Variants in GLYATL1 observed in about 807,000 individuals in gnomAD.
The protein encoded by GLYATL1 is glycine N-acyltransferase-like protein 1.
Under a neutral mutation model 20.0 loss-of-function variants are expected in GLYATL1, and 15 were observed. The observed-to-expected ratio is 0.75, with a 90% CI of 0.50 to 1.15. The LOEUF (loss-of-function observed/expected upper bound fraction) is 1.15. Ranked by LOEUF, GLYATL1 falls within the 50% of genes most tolerant of loss-of-function variation. The probability of loss-of-function intolerance (pLI) is 0.00; values close to 1 mark genes in which losing one functional copy is unlikely to be tolerated. For missense variants in GLYATL1, 380 were observed against 368.5 expected, an observed-to-expected ratio of 1.03 and a Z score of -0.26; for synonymous variants, 151 against 131.5, an observed-to-expected ratio of 1.15 and a Z score of -1.01.
At chr11:58,927,029 A>G (rs766145737), upstream of GLYATL1, among the ~76,000 whole-genome samples, 4 of 152,236 alleles carry the variant, frequency 2.6e-5, no homozygotes, top group East Asian at 1.9e-4. Context: ...ACACTTACAT[A>G]TAACTCTTCT....
At chr11:58,937,869 A>G (rs1358906582), upstream of GLYATL1, among the ~76,000 whole-genome samples, 1 of 152,140 alleles carries the variant, frequency 6.6e-6, no homozygotes, top group African/African-American at 2.4e-5. Flanking sequence ...GAGACCCTTG[A>G]CACATTGTGA....
chr11:58,950,113 C>A (rs1407721856), intron 4 of GLYATL1, among the ~76,000 whole-genome samples: 26 of 75,974 alleles, frequency 3.4e-4, no homozygotes, highest in Admixed American at 7.0e-4. Flanking sequence ...ACTAAAAATA[C>A]AAAAAAAAAA....
chr11:58,939,429 A>G (rs1855984968), upstream of GLYATL1: 1 of 152,258 alleles, frequency 6.6e-6, no homozygotes, highest in Non-Finnish European at 1.5e-5. Context: ...CAGGACCTAG[A>G]CCACACCCCT....
At chr11:58,914,341 A>G (rs1400082544) in intron 1 of GLYATL1, among the ~76,000 whole-genome samples, 1 of 152,214 alleles carries the variant, frequency 6.6e-6, no homozygotes, top group East Asian at 1.9e-4. Flanking sequence ...CACAAGGCCA[A>G]GTGAGTTTCC....
rs1446159942 is a variant in GLYATL1 at position 58,955,923 on chromosome 11, G to A, written c.805G>A (p.Glu269Lys). Residue 269 changes from glutamate to lysine, a missense_variant, in exon 7 of 7, where the codon GAA (glutamate) becomes AAA (lysine). Coordinates refer to ENST00000532726, the MANE Select transcript of GLYATL1 (RefSeq NM_001389712.2). ...NIPFYISVLEENEDSRRFVGQ... is the reference protein window; with the variant it reads ...NIPFYISVLEKNEDSRRFVGQ... ...TCCATTTTACATCTCTGTGTTGGAA[G>A]AAAATGAAGACTCCCGCAGATTTGT... The A allele has an allele frequency of 3.1e-6, 5 of 1,614,096 alleles. No homozygotes were observed. In the African/African-American group the frequency reaches 6.7e-5, roughly 22 times the overall value.
intron 1 of GLYATL1, among the ~76,000 whole-genome samples, chr11:58,918,746 G>A (rs1400044260): frequency 2.0e-5 from 3 of 152,158 alleles, no homozygotes; most frequent in Admixed American, 6.5e-5. Context: ...TGCAAGCTTC[G>A]GCTGTGCATA....
upstream of GLYATL1, among the ~76,000 whole-genome samples, chr11:58,938,322 T>C (rs553087531): frequency 3.3e-4 from 50 of 152,298 alleles, no homozygotes; most frequent in Admixed American, 1.2e-3. Context: ...TCTTCCACCA[T>C]GACCCCATGA....
downstream of GLYATL1, among the ~76,000 whole-genome samples, chr11:58,909,639 A>G (rs995404971): frequency 1.3e-5 from 2 of 152,220 alleles, no homozygotes; most frequent in African/African-American, 4.8e-5. Flanking sequence ...GTGAAAATAT[A>G]TTTGGCGAAT....
At chr11:58,940,906 T>G (rs513877) in intron 1 of GLYATL1, among the ~76,000 whole-genome samples, 49,377 of 152,004 alleles carry the variant, frequency 0.32, 8,546 homozygotes, top group Non-Finnish European at 0.39. Context: ...GATCAAGGCT[T>G]CAGTGAGTCT....
At chr11:58,952,110 G>A (rs1224907227) in intron 4 of GLYATL1, among the ~76,000 whole-genome samples, 1 of 151,966 alleles carries the variant, frequency 6.6e-6, no homozygotes, top group African/African-American at 2.4e-5. Context: ...GCTTACATTT[G>A]GAATTACATT....
intron 1 of GLYATL1, among the ~76,000 whole-genome samples, chr11:58,931,238 G>T (rs965179162): frequency 3.3e-5 from 5 of 152,134 alleles, no homozygotes; most frequent in Non-Finnish European, 7.4e-5. Flanking sequence ...TCTTCCCTCT[G>T]TGTCTGTCTC....
chr11:58,934,282 C>G (rs1855731272), intron 1 of GLYATL1: 1 of 152,218 alleles, frequency 6.6e-6, no homozygotes, highest in South Asian at 2.1e-4. Context: ...GATGGCCAGC[C>G]TAGCAACAGG....
chr11:58,948,441 C>T (rs1463653820), intron 4 of GLYATL1, among the ~76,000 whole-genome samples: 1 of 152,106 alleles, frequency 6.6e-6, no homozygotes, highest in Middle Eastern at 3.2e-3. Context: ...GAGTTTGAGA[C>T]CAGCCTGTAC....
intron 1 of GLYATL1, among the ~76,000 whole-genome samples, chr11:58,919,412 C>T (rs494149): frequency 0.29 from 43,609 of 152,074 alleles, 6,612 homozygotes; most frequent in Middle Eastern, 0.36. Context: ...TTCATGTGCT[C>T]CACTTTTCTT....
exon 1 of GLYATL1, chr11:58,905,590 T>C: frequency 2.2e-6 from 1 of 456,220 alleles, no homozygotes; most frequent in Non-Finnish European, 4.4e-6. Flanking sequence ...AACCCCTCCT[T>C]GGCTTCCACT....
chr11:58,937,957 G>A (rs1855909863), upstream of GLYATL1, among the ~76,000 whole-genome samples: 1 of 152,202 alleles, frequency 6.6e-6, no homozygotes, highest in Non-Finnish European at 1.5e-5. Context: ...CCATGAGCAA[G>A]AGTTTCAGGG....
chr11:58,943,342 C>T (rs1339120125), intron 1 of GLYATL1: 1 of 1,550,424 alleles, frequency 6.4e-7, no homozygotes, highest in East Asian at 2.4e-5. Flanking sequence ...CAGTTGTAAC[C>T]AATCTCTTTG....
At chr11:58,939,935 G>A (rs890790316) in intron 1 of GLYATL1, among the ~76,000 whole-genome samples, 4 of 152,206 alleles carry the variant, frequency 2.6e-5, no homozygotes, top group African/African-American at 9.6e-5. Context: ...CCAATGGAGA[G>A]AGGAATCACC....
downstream of GLYATL1, among the ~76,000 whole-genome samples, chr11:58,911,442 G>C (rs149983960): frequency 2.0e-5 from 3 of 152,098 alleles, no homozygotes; most frequent in Admixed American, 6.5e-5. Context: ...TTGCATCCTC[G>C]CTACCAATGT....
Sources: allele counts gnomAD v4.1 joint callset (sites outside exome capture counted in the v4.1 genomes callset), GRCh38; gene constraint gnomAD v4.1.1; transcripts MANE v1.5; gene names NCBI Gene and HGNC (gene_info 2026-07-23, HGNC 2026-07-21).